NCOA1: variants seen among roughly 807,000 people sequenced by gnomAD.
NCOA1 encodes Hin-2 protein.
Under a neutral mutation model 150.9 loss-of-function variants are expected in NCOA1, and 35 were observed. The ratio of observed to expected loss-of-function variants is 0.23; its 90% CI spans 0.18 to 0.31. The LOEUF (loss-of-function observed/expected upper bound fraction) is 0.31, where lower values mean the gene tolerates loss of function less well. Ranked by LOEUF, NCOA1 falls within the 10% of genes least tolerant of loss-of-function variation. NCOA1 has a pLI of 1.00. For missense variants in NCOA1, 1,491 were observed against 1,749.3 expected (o/e 0.85, Z 2.63); for synonymous variants, 590 against 630.0 (o/e 0.94, Z 0.95).
chr2:24,546,779 CTG>C (rs1277137260), intron 1 of NCOA1, among the ~76,000 whole-genome samples: 1 of 152,214 alleles, frequency 6.6e-6, no homozygotes, highest in Non-Finnish European at 1.5e-5. Context: ...CAGCTGGTAA[CTG>C]GTGTGGGCTG....
rs186153603 is a variant in NCOA1, at chr2:24,661,539, A to C, written c.89+2773A>C. Among the ~76,000 whole-genome samples, 8 of 152,164 alleles carry C rather than the reference A, an allele frequency of 5.3e-5. No individual in the cohort carries two copies. The East Asian group carries it at 1.4e-3, about 26-fold the overall frequency. ...CAAGCTTTTTAGGGTCTTGTTTAATAATTTTTCTTCTACTCTAAGGTTTTA... is the reference window on the plus strand; with the variant it reads ...CAAGCTTTTTAGGGTCTTGTTTAATCATTTTTCTTCTACTCTAAGGTTTTA... On this transcript the variant is annotated intron_variant, in intron 5 of 22. Coordinates refer to ENST00000348332, the MANE Select transcript of NCOA1 (RefSeq NM_003743.5).
At chr2:24,597,793 T>C (rs568905496) in intron 3 of NCOA1, among the ~76,000 whole-genome samples, 1 of 152,328 alleles carries the variant, frequency 6.6e-6, no homozygotes, top group South Asian at 2.1e-4. Context: ...TTTTTTATTA[T>C]TATACTTTAA....
At chr2:24,600,348 G>A (rs1668062675) in intron 3 of NCOA1, among the ~76,000 whole-genome samples, 1 of 152,128 alleles carries the variant, frequency 6.6e-6, no homozygotes, top group Non-Finnish European at 1.5e-5. Context: ...TGAGACTACA[G>A]GCATGTGCCA....
At chr2:24,736,175 G>A (rs1379551052) in intron 17 of NCOA1, among the ~76,000 whole-genome samples, 2 of 149,424 alleles carry the variant, frequency 1.3e-5, no homozygotes, top group Non-Finnish European at 3.0e-5. Flanking sequence ...GAGCTGAGAT[G>A]TCACTGTTGC....
intron 7 of NCOA1, among the ~76,000 whole-genome samples, chr2:24,680,968 C>G (rs1452793887): frequency 6.6e-6 from 1 of 151,938 alleles, no homozygotes; most frequent in Admixed American, 6.6e-5. Flanking sequence ...TAAATCCTAC[C>G]CACAAACTGT....
chr2:24,604,706 C>T (rs909453942), intron 3 of NCOA1, among the ~76,000 whole-genome samples: 1 of 152,128 alleles, frequency 6.6e-6, no homozygotes, highest in African/African-American at 2.4e-5. Flanking sequence ...CTATCCAGAC[C>T]ACTCAAACTT....
Position 24,707,696 on chromosome 2 carries a change from A to G in NCOA1, c.2226A>G (p.Glu742=). 1 of 1,614,194 alleles carries G rather than the reference A, an allele frequency of 6.2e-7. No homozygotes were observed. Among genetic ancestry groups the G allele is most frequent in the Non-Finnish European group, 8.5e-7 (1 of 1,180,000 alleles). Reference sequence around the variant, plus strand: ...AACTGGATGCTTCAAAGAAAAAAGAATCAAAAGACCATCAGCTCCTACGCT... The same window carrying G: ...AACTGGATGCTTCAAAGAAAAAAGAGTCAAAAGACCATCAGCTCCTACGCT... ...KLELDASKKK[E]SKDHQLLRYL... The change falls in exon 13 of 23, where the codon GAA becomes GAG. Residue 742 remains glutamate (E), a synonymous_variant. Coordinates refer to ENST00000348332, the MANE Select transcript of NCOA1 (RefSeq NM_003743.5).
rs1673354508 is a variant in NCOA1, at chr2:24,705,130, T to C, written c.994T>C (p.Leu332=). The change falls in exon 12 of 23, where the codon TTG becomes CTG. Residue 332 remains leucine (L), a synonymous_variant. Transcript: ENST00000348332. ...TASSPSYRFI[L]NDGTMLSAHT... ...CTCCAGCCCCTCCTATAGATTCATA[T>C]TGAATGATGGGACAATGCTTAGCGC... 1.2e-6 allele frequency: 2 copies of C among 1,614,056 alleles called. No homozygotes were observed. Among genetic ancestry groups the C allele is most frequent in the Non-Finnish European group, 8.5e-7 (1 of 1,180,006 alleles).
intron 17 of NCOA1, among the ~76,000 whole-genome samples, chr2:24,737,999 T>C (rs555046255): frequency 6.6e-6 from 1 of 152,330 alleles, no homozygotes. Context: ...TTTAAAACTA[T>C]AAAGTTGGTA....
intron 2 of NCOA1, among the ~76,000 whole-genome samples, chr2:24,571,990 C>A (rs1666762070): frequency 6.6e-6 from 1 of 152,116 alleles, no homozygotes; most frequent in Admixed American, 6.5e-5. Flanking sequence ...TCCTTCCTCC[C>A]CTTAACTCCT....
intron 1 of NCOA1, among the ~76,000 whole-genome samples, chr2:24,506,170 C>G (rs1259082924): frequency 1.3e-5 from 2 of 151,666 alleles, no homozygotes; most frequent in Non-Finnish European, 2.9e-5. Flanking sequence ...AATCCAGACC[C>G]CTGTTGGCAT....
At chr2:24,613,120 A>C (rs762139012) in intron 3 of NCOA1, among the ~76,000 whole-genome samples, 2 of 150,410 alleles carry the variant, frequency 1.3e-5, no homozygotes, top group Non-Finnish European at 3.0e-5. Context: ...CCAACTCCCT[A>C]GGGGATATGA....
At chr2:24,564,923 C>T (rs1666436555) in intron 2 of NCOA1, among the ~76,000 whole-genome samples, 1 of 150,444 alleles carries the variant, frequency 6.6e-6, no homozygotes, top group Non-Finnish European at 1.5e-5. Flanking sequence ...ACTCTGAGTC[C>T]ACCTGCAAGA....
Position 24,516,954 on chromosome 2 carries a change from A to ACGT in NCOA1, c.-396+25352_-396+25353insCGT, listed in dbSNP as rs1558758482. On this transcript the variant is annotated intron_variant, in intron 1 of 22. Coordinates refer to ENST00000348332, the MANE Select transcript of NCOA1 (RefSeq NM_003743.5). ...TGTGTATATATATACGTATATATAC[A>ACGT]AGTATATATACGTATATATACACAT... is the stretch of plus-strand genomic sequence containing the variant. 8.3e-3 allele frequency among the ~76,000 whole-genome samples: 184 copies of ACGT among 22,290 alleles called. 4 individuals are homozygous for ACGT. The highest frequency in any genetic ancestry group is 0.028 in the Admixed American group (28 of 1,008). The allele number at this position is 22,290 out of a possible 152,430, so 14.6% of individuals were successfully genotyped here. A position where few individuals can be genotyped will look rare whatever the true frequency, so the allele number is the denominator to read the frequency against.
intron 3 of NCOA1, among the ~76,000 whole-genome samples, chr2:24,625,165 A>G (rs893671838): frequency 2.0e-5 from 3 of 152,126 alleles, no homozygotes; most frequent in Admixed American, 1.3e-4. Context: ...TTGTTGTGTC[A>G]TGAAATATTA....
chr2:24,658,874 TCTTTC>T, intron 5 of NCOA1, 108 bp downstream of exon 5: 2 of 916,804 alleles, frequency 2.2e-6, no homozygotes, highest in Non-Finnish European at 3.4e-6. Context: ...TTTCTTTGAG[TCTTTC>T]ATACTCACCA....
At chr2:24,625,878 ACT>A (rs986377056) in intron 3 of NCOA1, among the ~76,000 whole-genome samples, 1 of 152,004 alleles carries the variant, frequency 6.6e-6, no homozygotes, top group African/African-American at 2.4e-5. Flanking sequence ...CAAACAGCAC[ACT>A]CTGAGAAGTT....
chr2:24,514,597 G>T (rs572776353), intron 1 of NCOA1, among the ~76,000 whole-genome samples: 19 of 151,876 alleles, frequency 1.3e-4, no homozygotes, highest in Non-Finnish European at 2.1e-4. Flanking sequence ...GAGCCCAGGG[G>T]TTTGAGACCA....
chr2:24,548,962 G>T (rs181651058), intron 1 of NCOA1, among the ~76,000 whole-genome samples: 3 of 152,250 alleles, frequency 2.0e-5, no homozygotes, highest in Admixed American at 2.0e-4. Context: ...CTGGAGGATG[G>T]TGGCCCTCTT....
Sources: gnomAD v4.1 joint callset for allele counts (sites outside exome capture counted in the v4.1 genomes callset) on GRCh38, gnomAD v4.1.1 for gene constraint, MANE v1.5 for transcripts, NCBI Gene and HGNC (gene_info 2026-07-23, HGNC 2026-07-21) for gene names.